Variants in TRPC3 observed in about 807,000 individuals in gnomAD.
TRPC3 encodes short transient receptor potential channel 3.
A neutral mutation model predicts 90.9 loss-of-function variants in TRPC3; 54 were observed. That is an observed-to-expected ratio of 0.59 (90% confidence interval 0.48 to 0.75). The LOEUF (loss-of-function observed/expected upper bound fraction) is 0.75, where lower values mean the gene tolerates loss of function less well. Ranked by LOEUF, TRPC3 falls within the 30% of genes least tolerant of loss-of-function variation. TRPC3 has a pLI of 0.00. For missense variants in TRPC3, 918 were observed against 1,194.5 expected (o/e 0.77, Z 3.41); for synonymous variants, 424 against 450.9 (o/e 0.94, Z 0.75).
chr4:121,883,078 G>A (rs1727997543), intron 10 of TRPC3, among the ~76,000 whole-genome samples: 1 of 151,952 alleles, frequency 6.6e-6, no homozygotes, highest in Non-Finnish European at 1.5e-5. Context: ...TAGGATAACT[G>A]TTTACCCATA....
chr4:121,897,849 C>A (rs1375095842), intron 10 of TRPC3, among the ~76,000 whole-genome samples: 1 of 152,102 alleles, frequency 6.6e-6, no homozygotes, highest in South Asian at 2.1e-4. Context: ...GACAACTGCA[C>A]CCACATGTTT....
intron 6 of TRPC3, among the ~76,000 whole-genome samples, chr4:121,909,635 C>T (rs1477872995): frequency 6.6e-6 from 1 of 152,092 alleles, no homozygotes; most frequent in Non-Finnish European, 1.5e-5. Context: ...AACAGGACAA[C>T]ATCCTCCCAA....
At chr4:121,950,267 T>C (rs978334230) in intron 1 of TRPC3, among the ~76,000 whole-genome samples, 19 of 152,340 alleles carry the variant, frequency 1.2e-4, no homozygotes, top group Admixed American at 5.2e-4. Flanking sequence ...GCGCAGACTC[T>C]GCGCGCGCGG....
intron 2 of TRPC3, among the ~76,000 whole-genome samples, chr4:121,929,256 A>G (rs1041559867): frequency 1.3e-5 from 2 of 152,194 alleles, no homozygotes; most frequent in African/African-American, 2.4e-5. Flanking sequence ...TTCCTGCTAT[A>G]AAATGTCACC....
intron 2 of TRPC3, among the ~76,000 whole-genome samples, chr4:121,926,161 C>T (rs1180820733): frequency 2.0e-5 from 3 of 152,176 alleles, no homozygotes; most frequent in African/African-American, 7.2e-5. Context: ...AAACCATAAC[C>T]TTGCATAAAG....
intron 1 of TRPC3, among the ~76,000 whole-genome samples, chr4:121,936,838 CTG>C (rs1730145854): frequency 6.6e-6 from 1 of 152,286 alleles, no homozygotes. Flanking sequence ...AAATAAATTT[CTG>C]TGTGTGTCTT....
In TRPC3 at chr4:121,875,604, A is replaced by T. The variant is rs1204515882; in HGVS notation, c.*4132T>A. On this transcript the variant is annotated 3_prime_UTR_variant, in exon 12 of 12. Transcript: ENST00000379645. ...GATGGCTGCCTCTCAGATGTGACAA[A>T]GACCACTTTAGAGACAAATTTGCAG... Among the ~76,000 whole-genome samples, 2 of 152,204 alleles carry T rather than the reference A, an allele frequency of 1.3e-5. No homozygotes were observed. Among genetic ancestry groups the T allele is most frequent in the Non-Finnish European group, 2.9e-5 (2 of 68,044 alleles).
intron 10 of TRPC3, among the ~76,000 whole-genome samples, chr4:121,888,447 T>G (rs1364347727): frequency 1.3e-5 from 2 of 152,336 alleles, no homozygotes; most frequent in East Asian, 3.9e-4. Context: ...ATTATAAAAG[T>G]AATTCTTTAA....
chr4:121,897,097 A>G (rs1728540331), intron 10 of TRPC3, among the ~76,000 whole-genome samples: 1 of 152,122 alleles, frequency 6.6e-6, no homozygotes, highest in South Asian at 2.1e-4. Context: ...TATGCAGAAG[A>G]ATAAGACTAG....
At chr4:121,914,667 A>G in intron 4 of TRPC3, 113 bp downstream of exon 4, 1 of 1,128,180 alleles carries the variant, frequency 8.9e-7, no homozygotes, top group East Asian at 2.5e-5. Flanking sequence ...TCTTGAATCA[A>G]TTAACATTCA....
intron 2 of TRPC3, chr4:121,930,839 A>AAG (rs1208997869): frequency 2.5e-6 from 1 of 400,434 alleles, no homozygotes; most frequent in Non-Finnish European, 4.8e-6. Flanking sequence ...CTAAAAAAAA[A>AAG]AAAAAAAAAA....
chr4:121,882,259 C>A, intron 11 of TRPC3, 95 bp downstream of exon 11: 1 of 1,094,364 alleles, frequency 9.1e-7, no homozygotes, highest in South Asian at 1.6e-5. Context: ...AAACTATAAC[C>A]TGGGATTGGA....
intron 10 of TRPC3, among the ~76,000 whole-genome samples, chr4:121,886,229 C>T (rs543902337): frequency 6.6e-6 from 1 of 152,252 alleles, no homozygotes; most frequent in Admixed American, 6.5e-5. Flanking sequence ...AATTGTTAAG[C>T]ACTCTATCAG....
Position 121,915,012 on chromosome 4 carries a change from A to T in TRPC3, c.1177-68T>A, listed in dbSNP as rs564254025. The T allele has an allele frequency of 8.5e-5, 118 of 1,384,332 alleles. 1 individual carries two copies. In the African/African-American group the frequency reaches 1.6e-3, roughly 19 times the overall value. 85.8% of individuals were successfully genotyped at this position (1,384,332 alleles called of 1,614,324 possible). A position where few individuals can be genotyped will look rare whatever the true frequency, so the allele number is the denominator to read the frequency against. ...GTTACCATACCATTGTCAATAGCTCAACTATTAAATACACATGCATCCTAA... is the reference window on the plus strand; with the variant it reads ...GTTACCATACCATTGTCAATAGCTCTACTATTAAATACACATGCATCCTAA... On this transcript the variant is annotated intron_variant, in intron 3 of 11. Coordinates refer to ENST00000379645, the MANE Select transcript of TRPC3 (RefSeq NM_001130698.2).
At chr4:121,942,181 C>T (rs994572342) in intron 1 of TRPC3, among the ~76,000 whole-genome samples, 1 of 152,146 alleles carries the variant, frequency 6.6e-6, no homozygotes, top group African/African-American at 2.4e-5. Context: ...CTTATAAGCC[C>T]AGAGAGATAT....
At chr4:121,909,592 A>C (rs1275185676) in intron 6 of TRPC3, among the ~76,000 whole-genome samples, 3 of 152,004 alleles carry the variant, frequency 2.0e-5, no homozygotes, top group Non-Finnish European at 4.4e-5. Context: ...TAATATAGAG[A>C]TATTTGACAT....
chr4:121,931,788 C>G (rs1212290260), intron 2 of TRPC3, among the ~76,000 whole-genome samples: 1 of 152,182 alleles, frequency 6.6e-6, no homozygotes, highest in African/African-American at 2.4e-5. Context: ...CTAACACTAT[C>G]GTGGAGATGG....
intron 1 of TRPC3, among the ~76,000 whole-genome samples, chr4:121,947,656 ATTTAAAAAACTGC>A (rs1436023822): frequency 1.3e-5 from 2 of 152,214 alleles, no homozygotes; most frequent in African/African-American, 4.8e-5. Flanking sequence ...GATGACAATG[ATTTAAAAAACTGC>A]TTTAAAGAGG....
At chr4:121,888,151 T>C (rs1334346511) in intron 10 of TRPC3, among the ~76,000 whole-genome samples, 1 of 152,090 alleles carries the variant, frequency 6.6e-6, no homozygotes, top group African/African-American at 2.4e-5. Flanking sequence ...TGAGCCACCA[T>C]GTCTGGCCCT....
Sources: allele counts gnomAD v4.1 joint callset (sites outside exome capture counted in the v4.1 genomes callset), GRCh38; gene constraint gnomAD v4.1.1; transcripts MANE v1.5; gene names NCBI Gene and HGNC (gene_info 2026-07-23, HGNC 2026-07-21).